Variants in HAVCR1 observed in about 807,000 individuals in gnomAD.
HAVCR1 encodes hepatitis A virus cellular receptor 1, also known as T cell immunoglobin domain and mucin domain protein 1.
In HAVCR1, 34 loss-of-function variants were observed where a neutral mutation model predicts 32.0. That is an observed-to-expected ratio of 1.06 (90% CI 0.81 to 1.42). HAVCR1 has a LOEUF of 1.42. Among genes scored for constraint, HAVCR1 ranks in the 40% most tolerant of loss-of-function variants. HAVCR1 has a pLI of 0.00. For missense variants in HAVCR1, 420 were observed against 442.3 expected (o/e 0.95, Z 0.45); for synonymous variants, 178 against 170.3 (o/e 1.05, Z -0.35).
At chr5:157,044,586 GGAAA>G (rs72157678) in intron 5 of HAVCR1, among the ~76,000 whole-genome samples, 3,080 of 56,148 alleles carry the variant, frequency 0.055, 385 homozygotes, top group East Asian at 0.088. Flanking sequence ...AAAGAAAGAA[GGAAA>G]GAAAGAAAGA....
intron 3 of HAVCR1, among the ~76,000 whole-genome samples, chr5:157,054,241 T>C (rs982027317): frequency 1.4e-5 from 2 of 147,562 alleles, no homozygotes; most frequent in Non-Finnish European, 3.0e-5. Context: ...GGCTTACACC[T>C]GTAATCCCAG....
At chr5:157,056,382 CT>C (rs1756143954) in intron 2 of HAVCR1, among the ~76,000 whole-genome samples, 1 of 101,520 alleles carries the variant, frequency 9.9e-6, no homozygotes, top group Non-Finnish European at 2.1e-5. Flanking sequence ...AAAAGAATTT[CT>C]TCTTTTTTTT....
intron 2 of HAVCR1, among the ~76,000 whole-genome samples, chr5:157,057,454 AGAAAGAAAGAGAATTG>A (rs1756272932): frequency 7.5e-6 from 1 of 134,188 alleles, no homozygotes; most frequent in African/African-American, 2.7e-5. Context: ...AAAGAAAGAA[AGAAAGAAAGAGAATTG>A]AATGTGGCTG....
At chr5:157,041,830 G>A (rs1375265592) in intron 6 of HAVCR1, among the ~76,000 whole-genome samples, 5 of 152,008 alleles carry the variant, frequency 3.3e-5, no homozygotes, top group African/African-American at 9.7e-5. Flanking sequence ...AGGCCGAGGC[G>A]GGTAGATTGC....
rs1754986031 is a variant in HAVCR1, at chr5:157,042,722, A to T, written c.782-40T>A. 4.0e-6 allele frequency: 5 copies of T among 1,262,210 alleles called. No homozygotes were observed. The South Asian group carries it at 4.9e-5, about 12-fold the overall frequency. The allele number at this position is 1,262,210 out of a possible 1,614,324, so 78.2% of individuals were successfully genotyped here. Reference sequence around the variant, plus strand: ...GGAAATTTAATTAGAATTACAAAAAATATTGAATTTTCACTGCAGACACTA... The same window carrying T: ...GGAAATTTAATTAGAATTACAAAAATTATTGAATTTTCACTGCAGACACTA... On this transcript the variant is annotated intron_variant, in intron 5 of 8. Coordinates refer to ENST00000523175, the MANE Select transcript of HAVCR1 (RefSeq NM_001173393.3).
intron 5 of HAVCR1, among the ~76,000 whole-genome samples, chr5:157,044,446 A>G (rs1458258327): frequency 8.7e-5 from 5 of 57,152 alleles, no homozygotes; most frequent in East Asian, 8.2e-4. Flanking sequence ...AAAGAAAGAA[A>G]GAAAGAAAGA....
At chr5:157,044,522 A>T (rs1023749786) in intron 5 of HAVCR1, among the ~76,000 whole-genome samples, 1 of 147,156 alleles carries the variant, frequency 6.8e-6, no homozygotes, top group Non-Finnish European at 1.5e-5. Flanking sequence ...AAGGAAGGAA[A>T]GAAAGAAAGG....
chr5:157,041,808 CAGCACTTTGGG>C (rs1221927296), intron 6 of HAVCR1, among the ~76,000 whole-genome samples: 1 of 152,128 alleles, frequency 6.6e-6, no homozygotes, highest in Non-Finnish European at 1.5e-5. Flanking sequence ...CCTGTAATCC[CAGCACTTTGGG>C]AGGCCGAGGC....
intron 6 of HAVCR1, among the ~76,000 whole-genome samples, chr5:157,041,293 T>C (rs1422147640): frequency 2.6e-5 from 4 of 151,994 alleles, no homozygotes; most frequent in African/African-American, 9.7e-5. Context: ...AGATCAGAAG[T>C]TCAAGACCAG....
chr5:157,045,530 G>T (rs951164803), intron 5 of HAVCR1, among the ~76,000 whole-genome samples: 2 of 152,134 alleles, frequency 1.3e-5, no homozygotes, highest in Admixed American at 6.5e-5. Flanking sequence ...TTTCCTGTGG[G>T]CACAGAACTA....
intron 1 of HAVCR1, 22 bp from the exon 2 acceptor site, chr5:157,057,977 G>T (rs1756323159): frequency 6.3e-7 from 1 of 1,578,458 alleles, no homozygotes; most frequent in East Asian, 2.2e-5. Flanking sequence ...TGAGCAGACA[G>T]GCTGGTTGGT....
chr5:157,057,391 GAAAGAAAGAAAGAAAGAAAGAAA>G (rs1756238767), intron 2 of HAVCR1, among the ~76,000 whole-genome samples: 125 of 10,508 alleles, frequency 0.012, no homozygotes, highest in Non-Finnish European at 0.045. Context: ...AGAGAGGAAA[GAAAGAAAGAAAGAAAGAAAGAAA>G]GAAAGAAAGA....
chr5:157,065,062 T>C, the HAVCR1 span, among the ~76,000 whole-genome samples: 1 of 152,170 alleles, frequency 6.6e-6, no homozygotes, highest in East Asian at 1.9e-4. Flanking sequence ...GTGCGGTGGC[T>C]CACGCCTGTA....
chr5:157,042,364 C>G (rs991278925), intron 6 of HAVCR1, among the ~76,000 whole-genome samples: 1 of 150,356 alleles, frequency 6.7e-6, no homozygotes, highest in Non-Finnish European at 1.5e-5. Context: ...ATGGCCTGAA[C>G]CCGGGAAGCG....
intron 3 of HAVCR1, among the ~76,000 whole-genome samples, chr5:157,054,833 G>A (rs978284996): frequency 6.6e-6 from 1 of 152,178 alleles, no homozygotes; most frequent in Non-Finnish European, 1.5e-5. Flanking sequence ...GGTGTTATAA[G>A]TAATCTAGAG....
intron 3 of HAVCR1, among the ~76,000 whole-genome samples, 186 bp from the exon 4 acceptor site, chr5:157,052,840 T>C (rs1230742598): frequency 6.6e-6 from 1 of 152,134 alleles, no homozygotes; most frequent in Admixed American, 6.5e-5. Flanking sequence ...GACATACCCC[T>C]CCTTCCAAAA....
intron 2 of HAVCR1, 25 bp downstream of exon 2, chr5:157,057,873 C>A: frequency 6.3e-7 from 1 of 1,598,670 alleles, no homozygotes; most frequent in Non-Finnish European, 8.6e-7. Context: ...TCCCTTCTTC[C>A]CGCCCAGGGC....
chr5:157,042,084 C>T (rs1462213020), intron 6 of HAVCR1, among the ~76,000 whole-genome samples: 1 of 103,052 alleles, frequency 9.7e-6, no homozygotes, highest in African/African-American at 3.1e-5. Context: ...TCTTTCTTCC[C>T]CTATTTTCTC....
intron 6 of HAVCR1, among the ~76,000 whole-genome samples, chr5:157,038,216 A>G (rs1174214874): frequency 6.6e-6 from 1 of 152,186 alleles, no homozygotes; most frequent in Non-Finnish European, 1.5e-5. Flanking sequence ...AACGCTATGC[A>G]ATCATGAAGA....
Sources: gnomAD v4.1 joint callset for allele counts (sites outside exome capture counted in the v4.1 genomes callset) on GRCh38, gnomAD v4.1.1 for gene constraint, MANE v1.5 for transcripts, NCBI Gene and HGNC (gene_info 2026-07-23, HGNC 2026-07-21) for gene names.